The following ARHGAP24 variants were observed in gnomAD, a reference collection of about 807,000 sequenced individuals.
ARHGAP24 encodes Rho GTPase activating protein 24.
Under a neutral mutation model 76.4 loss-of-function variants are expected in ARHGAP24, and 50 were observed. The observed-to-expected ratio is 0.65, with a 90% CI of 0.52 to 0.83. ARHGAP24 has a LOEUF of 0.83. ARHGAP24 is among the 40% of genes least tolerant of loss of function. The pLI, the probability that ARHGAP24 is intolerant of heterozygous loss-of-function variation, is 0.00. For synonymous variants in ARHGAP24, 345 were observed against 323.3 expected, an observed-to-expected ratio of 1.07 and a Z score of -0.72; for missense variants, 930 against 914.2, an observed-to-expected ratio of 1.02 and a Z score of -0.22.
chr4:85,934,359 C>T (rs916194442), intron 4 of ARHGAP24, among the ~76,000 whole-genome samples: 11 of 152,198 alleles, frequency 7.2e-5, no homozygotes, highest in African/African-American at 2.7e-4. Flanking sequence ...TGTCTCTTCA[C>T]TTTGTTTCCT....
At chr4:85,532,132 A>G (rs1219702054) in intron 1 of ARHGAP24, among the ~76,000 whole-genome samples, 1 of 152,158 alleles carries the variant, frequency 6.6e-6, no homozygotes, top group African/African-American at 2.4e-5. Flanking sequence ...GTTTTCAGGA[A>G]CCAGTTTTAA....
chr4:85,760,977 T>C (rs867155635), intron 3 of ARHGAP24, among the ~76,000 whole-genome samples: 9 of 152,306 alleles, frequency 5.9e-5, no homozygotes, highest in Admixed American at 4.6e-4. Context: ...TCAGCCCTAC[T>C]ACAGCCTATC....
At chr4:85,496,598 G>T (rs930084979) in intron 1 of ARHGAP24, among the ~76,000 whole-genome samples, 2 of 152,092 alleles carry the variant, frequency 1.3e-5, no homozygotes, top group African/African-American at 2.4e-5. Context: ...AATCACAACC[G>T]TGAAGTTCAA....
chr4:85,839,483 G>A (rs562709185), intron 3 of ARHGAP24, among the ~76,000 whole-genome samples: 8 of 152,002 alleles, frequency 5.3e-5, no homozygotes, highest in Middle Eastern at 3.4e-3. Context: ...ATAGAGTCTC[G>A]CTCTGTTGCC....
Position 85,789,009 on chromosome 4 carries a change from T to A in ARHGAP24, c.268+67037T>A, listed in dbSNP as rs189835685. Among the ~76,000 whole-genome samples, 15 of 152,146 alleles carry A rather than the reference T, an allele frequency of 9.9e-5. No individual in the cohort carries two copies. In the East Asian group the frequency reaches 2.3e-3, roughly 24 times the overall value. ...TGGAATCTCTAGAGTGATGAGAGTGTCTTTTGTATGCTAATGAGATGACTT... is the reference window on the plus strand; with the variant it reads ...TGGAATCTCTAGAGTGATGAGAGTGACTTTTGTATGCTAATGAGATGACTT... On this transcript the variant is annotated intron_variant, in intron 3 of 9. Coordinates refer to ENST00000395184, the MANE Select transcript of ARHGAP24 (RefSeq NM_001025616.3).
At chr4:85,619,214 A>C (rs1668557890) in intron 2 of ARHGAP24, among the ~76,000 whole-genome samples, 5 of 152,088 alleles carry the variant, frequency 3.3e-5, no homozygotes, top group African/African-American at 1.2e-4. Context: ...ACATTTATTT[A>C]AGAGACTGTC....
At chr4:85,748,967 G>T (rs1233158427) in intron 3 of ARHGAP24, among the ~76,000 whole-genome samples, 1 of 152,124 alleles carries the variant, frequency 6.6e-6, no homozygotes, top group South Asian at 2.1e-4. Flanking sequence ...CCTCAACGTG[G>T]CAGAATACGG....
intron 2 of ARHGAP24, among the ~76,000 whole-genome samples, chr4:85,621,120 G>T (rs900702705): frequency 6.6e-6 from 1 of 151,856 alleles, no homozygotes; most frequent in African/African-American, 2.4e-5. Context: ...TTCTTTTTTT[G>T]TGGCTGTGTA....
At chr4:85,905,681 T>G (rs6812185) in intron 3 of ARHGAP24, among the ~76,000 whole-genome samples, 25 of 152,312 alleles carry the variant, frequency 1.6e-4, no homozygotes, top group African/African-American at 5.8e-4. Flanking sequence ...TGCACATTAG[T>G]TTATTGTTGC....
intron 3 of ARHGAP24, among the ~76,000 whole-genome samples, chr4:85,735,835 T>C (rs1292007773): frequency 6.6e-6 from 1 of 152,218 alleles, no homozygotes; most frequent in African/African-American, 2.4e-5. Flanking sequence ...CATTAAAAAG[T>C]ACATAGAGCT....
At chr4:85,925,866 C>A (rs543773568) in intron 4 of ARHGAP24, among the ~76,000 whole-genome samples, 20 of 152,162 alleles carry the variant, frequency 1.3e-4, no homozygotes, top group African/African-American at 3.9e-4. Context: ...GAGGATGAAT[C>A]TTTTCAAAGC....
At position 86,000,746 on chromosome 4, in the gene ARHGAP24, G is replaced by A. The variant is rs775935928; in HGVS notation, c.*24G>A. On this transcript the variant is annotated 3_prime_UTR_variant, in exon 10 of 10. Coordinates refer to ENST00000395184, the MANE Select transcript of ARHGAP24 (RefSeq NM_001025616.3). ...GAGCCTGCTTTCGCCTGCTGTCTCT[G>A]ATGGCTCTGGCAAGGACTCCAGGGA... 1.9e-6 allele frequency: 3 copies of A among 1,613,190 alleles called. No homozygotes were observed. Among genetic ancestry groups the A allele is most frequent in the Non-Finnish European group, 1.7e-6 (2 of 1,179,442 alleles).
chr4:85,709,036 T>C (rs1304330366), intron 2 of ARHGAP24, among the ~76,000 whole-genome samples: 3 of 152,182 alleles, frequency 2.0e-5, no homozygotes, highest in Non-Finnish European at 2.9e-5. Context: ...CAGTAAACTT[T>C]TATCTGTGCC....
At chr4:85,619,566 C>T (rs1385658305) in intron 2 of ARHGAP24, among the ~76,000 whole-genome samples, 2 of 151,544 alleles carry the variant, frequency 1.3e-5, no homozygotes, top group Non-Finnish European at 3.0e-5. Flanking sequence ...GTAGTAAGGA[C>T]ATTTAATTCT....
intron 3 of ARHGAP24, among the ~76,000 whole-genome samples, chr4:85,902,656 T>G (rs182967919): frequency 6.6e-6 from 1 of 152,316 alleles, no homozygotes; most frequent in African/African-American, 2.4e-5. Flanking sequence ...CAGGCTGGAG[T>G]GCAATGGTGC....
chr4:85,618,665 G>A (rs1185993801), intron 2 of ARHGAP24, among the ~76,000 whole-genome samples: 1 of 151,964 alleles, frequency 6.6e-6, no homozygotes, highest in Non-Finnish European at 1.5e-5. Context: ...TTTGATAAAA[G>A]CCATTCTAAC....
At chr4:85,593,883 A>G (rs1164661809) in intron 2 of ARHGAP24, among the ~76,000 whole-genome samples, 2 of 152,050 alleles carry the variant, frequency 1.3e-5, no homozygotes. Context: ...AAGTCAGGTT[A>G]TGTGATTCTT....
intron 3 of ARHGAP24, among the ~76,000 whole-genome samples, chr4:85,806,544 A>G (rs1028556392): frequency 3.9e-5 from 6 of 152,246 alleles, no homozygotes; most frequent in African/African-American, 9.6e-5. Flanking sequence ...ACACCCTCCC[A>G]TGGGTAGCAG....
chr4:85,707,536 T>C (rs563947901), intron 2 of ARHGAP24, among the ~76,000 whole-genome samples: 2 of 152,342 alleles, frequency 1.3e-5, no homozygotes, highest in East Asian at 3.9e-4. Context: ...ATTCAGACTT[T>C]AGATCCTCAG....
Sources: gnomAD v4.1 joint callset for allele counts (sites outside exome capture counted in the v4.1 genomes callset) on GRCh38, gnomAD v4.1.1 for gene constraint, MANE v1.5 for transcripts, NCBI Gene and HGNC (gene_info 2026-07-23, HGNC 2026-07-21) for gene names.